Variants in ENPEP observed in about 807,000 individuals in gnomAD.
The protein encoded by ENPEP is AP-A.
In ENPEP, 103 loss-of-function variants were observed where a neutral mutation model predicts 114.5. The observed-to-expected ratio is 0.90, with a 90% CI of 0.77 to 1.06. The LOEUF is 1.06. Ranked by LOEUF, ENPEP falls within the 50% of genes least tolerant of loss-of-function variation. The pLI is 0.00. For missense variants in ENPEP, 1,196 were observed against 1,161.3 expected, an observed-to-expected ratio of 1.03 and a Z score of -0.43; for synonymous variants, 420 against 422.0, an observed-to-expected ratio of 1.00 and a Z score of 0.06.
Position 110,561,404 on chromosome 4 carries a change from A to G in ENPEP, c.2722-2A>G, listed in dbSNP as rs751863241. On this transcript the variant is annotated splice_acceptor_variant, in intron 19 of 19. Coordinates refer to ENST00000265162, the MANE Select transcript of ENPEP (RefSeq NM_001977.4). LOFTEE classifies it high-confidence loss of function. Reference sequence around the variant, plus strand: ...TCCTAATTACTCCCCTCTCTTTTCTAGATGGAGAGCTTTTTTGCAAAATAT... The same window carrying G: ...TCCTAATTACTCCCCTCTCTTTTCTGGATGGAGAGCTTTTTTGCAAAATAT... 2 of 1,613,456 alleles carry G rather than the reference A, an allele frequency of 1.2e-6. No individual in the cohort carries two copies. Among genetic ancestry groups the G allele is most frequent in the Non-Finnish European group, 1.7e-6 (2 of 1,179,794 alleles).
intron 11 of ENPEP, among the ~76,000 whole-genome samples, chr4:110,538,886 G>A (rs1445598710): frequency 6.6e-6 from 1 of 152,124 alleles, no homozygotes; most frequent in Non-Finnish European, 1.5e-5. Flanking sequence ...GAGAGAGAGA[G>A]AGAAAGAGAA....
chr4:110,561,604 C>T lies in ENPEP; in HGVS notation c.*46C>T. 1 of 1,572,378 alleles carries T rather than the reference C, an allele frequency of 6.4e-7. No individual in the cohort carries two copies. Among genetic ancestry groups the T allele is most frequent in the Non-Finnish European group, 8.6e-7 (1 of 1,158,394 alleles). ...TAATTTTGTGAATCTATTGTTTCTCCTCTGAAGCATTTGGTGGCCTAATTT... is the reference window on the plus strand; with the variant it reads ...TAATTTTGTGAATCTATTGTTTCTCTTCTGAAGCATTTGGTGGCCTAATTT... On this transcript the variant is annotated 3_prime_UTR_variant, in exon 20 of 20. Coordinates refer to ENST00000265162, the MANE Select transcript of ENPEP (RefSeq NM_001977.4).
chr4:110,502,195 T>G (rs1725188236), intron 3 of ENPEP, among the ~76,000 whole-genome samples: 1 of 152,240 alleles, frequency 6.6e-6, no homozygotes, highest in African/African-American at 2.4e-5. Context: ...CTTAGTTGGA[T>G]GCATAGTTTG....
intron 10 of ENPEP, among the ~76,000 whole-genome samples, chr4:110,524,644 C>A (rs1262599945): frequency 6.6e-6 from 1 of 151,930 alleles, no homozygotes; most frequent in African/African-American, 2.4e-5. Context: ...AAAATCAAAC[C>A]CTTAACAGGA....
At chr4:110,527,711 T>C (rs1726250119) in intron 10 of ENPEP, among the ~76,000 whole-genome samples, 1 of 152,192 alleles carries the variant, frequency 6.6e-6, no homozygotes, top group African/African-American at 2.4e-5. Flanking sequence ...TTAGATTAAC[T>C]ATTTAATACT....
chr4:110,542,632 C>A, intron 11 of ENPEP, 119 bp from the exon 12 acceptor site: 1 of 1,031,596 alleles, frequency 9.7e-7, no homozygotes, highest in South Asian at 2.2e-5. Flanking sequence ...CAAATCAAAC[C>A]TGCCTCCTTG....
At position 110,549,700 on chromosome 4, in the gene ENPEP, C is replaced by T. The variant is rs1261963578; in HGVS notation, c.2331-16C>T. 6.2e-7 allele frequency: 1 copy of T among 1,612,614 alleles called. No homozygotes were observed. The highest frequency in any genetic ancestry group is 1.7e-5 in the Admixed American group (1 of 59,768). On this transcript the variant is annotated splice_polypyrimidine_tract_variant and intron_variant, in intron 16 of 19. Transcript: ENST00000265162. ...AAGAGTAGTTGAAATCTCTGAAACA[C>T]TGTTTCTTCTTCTAGCCTTCCCGTA...
intron 13 of ENPEP, among the ~76,000 whole-genome samples, chr4:110,545,802 T>G (rs777045506): frequency 6.6e-6 from 1 of 152,036 alleles, no homozygotes; most frequent in Non-Finnish European, 1.5e-5. Flanking sequence ...GACCCACTTC[T>G]GGTCCATAGG....
At position 110,488,624 on chromosome 4, in the gene ENPEP, A is replaced by G. The variant is rs1724590530; in HGVS notation, c.728A>G (p.Tyr243Cys). Residue 243 changes from tyrosine to cysteine, a missense_variant, in exon 2 of 20, where the codon TAT (tyrosine) becomes TGT (cysteine). By Grantham distance (194) the Tyr-to-Cys change is radical. Coordinates refer to ENST00000265162, the MANE Select transcript of ENPEP (RefSeq NM_001977.4). ...CFDEPNKKAT[Y>C]TISITHPKEY... Reference sequence around the variant, plus strand: ...GATGAGCCCAACAAAAAGGCAACTTATACAATATCTATCACCCATCCCAAA... The same window carrying G: ...GATGAGCCCAACAAAAAGGCAACTTGTACAATATCTATCACCCATCCCAAA... 3 of 1,613,878 alleles carry G rather than the reference A, an allele frequency of 1.9e-6. No homozygotes were observed. The highest frequency in any genetic ancestry group is 2.5e-6 in the Non-Finnish European group (3 of 1,179,954).
chr4:110,491,274 C>G (rs571460322), intron 3 of ENPEP, 110 bp downstream of exon 3: 2 of 1,049,532 alleles, frequency 1.9e-6, no homozygotes, highest in Non-Finnish European at 2.7e-6. Context: ...CCTGAAAAGC[C>G]CTTTAGTCCC....
intron 14 of ENPEP, among the ~76,000 whole-genome samples, chr4:110,548,791 C>T (rs887312695): frequency 5.3e-5 from 8 of 151,934 alleles, no homozygotes; most frequent in African/African-American, 1.2e-4. Flanking sequence ...TTCTGTAGCA[C>T]GTAAGTAGGA....
intron 3 of ENPEP, among the ~76,000 whole-genome samples, chr4:110,501,352 A>T (rs1217094426): frequency 6.6e-6 from 1 of 152,066 alleles, no homozygotes; most frequent in Non-Finnish European, 1.5e-5. Flanking sequence ...TGCATGTCAT[A>T]GGGGTTTGGT....
At position 110,562,867 on chromosome 4, in the gene ENPEP, G is replaced by A. The variant is rs1410234665; in HGVS notation, c.*1309G>A. On this transcript the variant is annotated 3_prime_UTR_variant, in exon 20 of 20. Transcript: ENST00000265162. ...TAAGGTAATTTAGAATCGGCTTGATGAGAATTGAAGCATATGGAAACAAAA... is the reference window on the plus strand; with the variant it reads ...TAAGGTAATTTAGAATCGGCTTGATAAGAATTGAAGCATATGGAAACAAAA... 2 of 152,116 alleles carry A rather than the reference G, an allele frequency of 1.3e-5. No individual in the cohort carries two copies. The highest frequency in any genetic ancestry group is 2.9e-5 in the Non-Finnish European group (2 of 67,972). 9.4% of individuals were successfully genotyped at this position (152,116 alleles called of 1,614,324 possible). A position where few individuals can be genotyped will look rare whatever the true frequency, so the allele number is the denominator to read the frequency against.
intron 11 of ENPEP, 97 bp from the exon 12 acceptor site, chr4:110,542,654 C>T: frequency 8.0e-7 from 1 of 1,252,698 alleles, no homozygotes; most frequent in South Asian, 1.9e-5. Context: ...GCTAATATTT[C>T]TTTTCTTTTA....
At chr4:110,482,862 AG>A (rs1001199025) in intron 1 of ENPEP, among the ~76,000 whole-genome samples, 2 of 152,128 alleles carry the variant, frequency 1.3e-5, no homozygotes, top group African/African-American at 4.8e-5. Context: ...TACAAAAATT[AG>A]CCGGGGGTAG....
intron 17 of ENPEP, among the ~76,000 whole-genome samples, chr4:110,552,817 G>A (rs1727339718): frequency 6.6e-6 from 1 of 151,926 alleles, no homozygotes; most frequent in African/African-American, 2.4e-5. Context: ...TAACCATATA[G>A]GTTACATTAT....
Position 110,515,416 on chromosome 4 carries a change from C to T in ENPEP, c.1483C>T (p.Pro495Ser). ...ILRMLEDWIK[P>S]ENFQKGCQMY... is the part of the protein sequence containing the mutation. ...GAGAATGCTTGAAGACTGGATAAAA[C>T]CAGAGAATTTTCAAAAAGGATGTCA... Residue 495 changes from proline to serine, a missense_variant, in exon 8 of 20, where the codon CCA becomes TCA. Physicochemically the swap from Pro to Ser is moderately conservative, Grantham distance 74. Coordinates refer to ENST00000265162, the MANE Select transcript of ENPEP (RefSeq NM_001977.4). The T allele has an allele frequency of 6.3e-7, 1 of 1,590,478 alleles. No individual in the cohort carries two copies. Among genetic ancestry groups the T allele is most frequent in the Non-Finnish European group, 8.5e-7 (1 of 1,174,290 alleles).
chr4:110,549,208 T>C, intron 14 of ENPEP, 138 bp from the exon 15 acceptor site: 1 of 694,268 alleles, frequency 1.4e-6, no homozygotes, highest in South Asian at 2.0e-5. Flanking sequence ...TTAAATACAT[T>C]GTTTTTCTAA....
In ENPEP at chr4:110,531,268, G is replaced by A; in HGVS notation, c.1798G>A (p.Glu600Lys). 1 of 1,432,808 alleles carries A rather than the reference G, an allele frequency of 7.0e-7. No individual in the cohort carries two copies. Among genetic ancestry groups the A allele is most frequent in the South Asian group, 1.5e-5 (1 of 66,828 alleles). 88.8% of individuals were successfully genotyped at this position (1,432,808 alleles called of 1,614,324 possible). Residue 600 changes from glutamate to lysine, a missense_variant, in exon 11 of 20, where the codon GAA becomes AAA. Glu to Lys is a moderately conservative substitution (Grantham distance 56). Transcript: ENST00000265162. ...ITSSVLFNRS[E>K]KEGITLNSSN... Reference sequence around the variant, plus strand: ...AAGCAGTGTGTTATTTAATAGGTCAGAAAAAGAAGGTAAATATTATTAATT... The same window carrying A: ...AAGCAGTGTGTTATTTAATAGGTCAAAAAAAGAAGGTAAATATTATTAATT...
Sources: allele counts gnomAD v4.1 joint callset (sites outside exome capture counted in the v4.1 genomes callset), GRCh38; gene constraint gnomAD v4.1.1; transcripts MANE v1.5; gene names NCBI Gene and HGNC (gene_info 2026-07-23, HGNC 2026-07-21).